Variants in ADAMTSL3 observed in about 807,000 individuals in gnomAD.
The protein encoded by ADAMTSL3 is ADAMTS like 3, also known as ADAMTS-like protein 3.
A neutral mutation model predicts 201.7 loss-of-function variants in ADAMTSL3; 128 were observed. That is an observed-to-expected ratio of 0.63 (90% CI 0.55 to 0.73). The LOEUF (loss-of-function observed/expected upper bound fraction) is 0.73. Among genes scored for constraint, ADAMTSL3 ranks in the 30% least tolerant of loss-of-function variants. ADAMTSL3 has a pLI of 0.00. For synonymous variants in ADAMTSL3, 738 were observed against 748.4 expected (o/e 0.99, Z 0.23); for missense variants, 1,990 against 2,119.6 (o/e 0.94, Z 1.20).
At chr15:83,677,199 C>A (rs924635236) in intron 2 of ADAMTSL3, among the ~76,000 whole-genome samples, 2 of 151,954 alleles carry the variant, frequency 1.3e-5, no homozygotes, top group African/African-American at 4.8e-5. Flanking sequence ...ATAATATGGT[C>A]TGTTTTGGTG....
intron 5 of ADAMTSL3, among the ~76,000 whole-genome samples, chr15:83,816,913 C>A (rs2063780223): frequency 6.6e-6 from 1 of 152,126 alleles, no homozygotes; most frequent in Admixed American, 6.5e-5. Context: ...GGAGGAAAAC[C>A]TGAGCTCTGG....
intron 3 of ADAMTSL3, among the ~76,000 whole-genome samples, chr15:83,728,135 C>G (rs987598902): frequency 2.9e-4 from 44 of 151,430 alleles, no homozygotes; most frequent in Admixed American, 2.2e-3. Context: ...TCTCTTTTTT[C>G]TAGGTTTTGT....
intron 7 of ADAMTSL3, among the ~76,000 whole-genome samples, chr15:83,855,710 C>T (rs894939341): frequency 1.7e-4 from 26 of 152,170 alleles, no homozygotes; most frequent in African/African-American, 6.0e-4. Flanking sequence ...AATTACTGCT[C>T]AGATTGTTGC....
intron 3 of ADAMTSL3, among the ~76,000 whole-genome samples, chr15:83,706,637 CT>C (rs2061855525): frequency 6.6e-6 from 1 of 152,064 alleles, no homozygotes; most frequent in South Asian, 2.1e-4. Context: ...TCTCTTTCCT[CT>C]TTTTTCTTTT....
intron 23 of ADAMTSL3, among the ~76,000 whole-genome samples, chr15:84,006,406 G>T (rs373842666): frequency 6.6e-4 from 101 of 152,304 alleles, no homozygotes; most frequent in African/African-American, 2.4e-3. Flanking sequence ...TAAAGATCCA[G>T]CATTTCAGGG....
At chr15:83,692,535 A>G (rs953603857) in intron 2 of ADAMTSL3, among the ~76,000 whole-genome samples, 2 of 151,732 alleles carry the variant, frequency 1.3e-5, no homozygotes, top group Non-Finnish European at 2.9e-5. Flanking sequence ...AAATACAAAA[A>G]ATTAGCTGGG....
At chr15:83,856,350 AT>A (rs2064732861) in intron 7 of ADAMTSL3, among the ~76,000 whole-genome samples, 1 of 151,442 alleles carries the variant, frequency 6.6e-6, no homozygotes, top group Non-Finnish European at 1.5e-5. Flanking sequence ...AAATTATAAA[AT>A]TTTTTGGTAG....
chr15:83,687,648 A>G (rs887512966), intron 2 of ADAMTSL3, among the ~76,000 whole-genome samples: 12 of 152,098 alleles, frequency 7.9e-5, no homozygotes, highest in Non-Finnish European at 8.8e-5. Context: ...CTCCCCGTTA[A>G]CATACTGATA....
intron 7 of ADAMTSL3, among the ~76,000 whole-genome samples, chr15:83,856,631 G>A (rs753771947): frequency 1.3e-5 from 2 of 152,094 alleles, no homozygotes; most frequent in Non-Finnish European, 2.9e-5. Flanking sequence ...AATATTTTAG[G>A]TTTATTGAGC....
Position 83,982,278 on chromosome 15 carries a change from A to C in ADAMTSL3, c.2650A>C (p.Lys884Gln). The C allele has an allele frequency of 6.4e-7, 1 of 1,565,372 alleles. No homozygotes were observed. Among genetic ancestry groups the C allele is most frequent in the Non-Finnish European group, 8.6e-7 (1 of 1,157,560 alleles). The change falls in exon 21 of 30, where the codon AAA (lysine) becomes CAA (glutamine). Residue 884 changes from lysine (K) to glutamine (Q), a missense_variant. Lys to Gln is a moderately conservative substitution (Grantham distance 53, BLOSUM62 1). Transcript: ENST00000286744. ...TCTTTTTTTTTTTCTTGGAGAAATC[A>C]AATCAGAGATGAAGACAAAACTTGG... ...SCQMPECSKI[K>Q]SEMKTKLGEQ... is the part of the protein sequence containing the mutation.
chr15:83,719,915 C>T (rs1050525285), intron 3 of ADAMTSL3, among the ~76,000 whole-genome samples: 1 of 152,090 alleles, frequency 6.6e-6, no homozygotes, highest in Non-Finnish European at 1.5e-5. Flanking sequence ...ATACCTAGGT[C>T]TTTTTCAAGA....
At chr15:83,930,257 G>T (rs1200888698) in intron 17 of ADAMTSL3, among the ~76,000 whole-genome samples, 1 of 152,132 alleles carries the variant, frequency 6.6e-6, no homozygotes. Context: ...CTTTCAGGTT[G>T]CATTTTTCAC....
chr15:83,714,885 CCTTCCTT>C (rs2061992519), intron 3 of ADAMTSL3, among the ~76,000 whole-genome samples: 1 of 14,794 alleles, frequency 6.8e-5, no homozygotes, highest in Non-Finnish European at 1.0e-4. Flanking sequence ...TCCCTTCCTT[CCTTCCTT>C]CCTTCCTTCC....
chr15:83,823,987 C>CCTCCTT (rs1300229326), intron 6 of ADAMTSL3, among the ~76,000 whole-genome samples: 1 of 144,066 alleles, frequency 6.9e-6, no homozygotes, highest in Non-Finnish European at 1.5e-5. Context: ...TCCTCCTCCT[C>CCTCCTT]CTCCTTCTCC....
intron 2 of ADAMTSL3, among the ~76,000 whole-genome samples, chr15:83,690,171 C>T (rs1596031307): frequency 1.3e-5 from 2 of 152,126 alleles, no homozygotes; most frequent in South Asian, 2.1e-4. Flanking sequence ...AATGTTACAG[C>T]GGCCTCACTA....
chr15:83,694,107 GTTC>G (rs1011545682), intron 2 of ADAMTSL3, among the ~76,000 whole-genome samples: 13 of 152,310 alleles, frequency 8.5e-5, no homozygotes, highest in African/African-American at 2.9e-4. Context: ...CTGAGAGCAT[GTTC>G]TTCTTCAACA....
At chr15:83,837,139 A>G (rs902830237) in intron 6 of ADAMTSL3, among the ~76,000 whole-genome samples, 1 of 152,132 alleles carries the variant, frequency 6.6e-6, no homozygotes, top group African/African-American at 2.4e-5. Flanking sequence ...ATTTTATATG[A>G]GACATCTCTC....
Position 83,970,477 on chromosome 15 carries a change from A to G in ADAMTSL3, c.2491-7A>G. The G allele has an allele frequency of 6.2e-7, 1 of 1,614,064 alleles. No homozygotes were observed. The highest frequency in any genetic ancestry group is 1.1e-5 in the South Asian group (1 of 91,078). On this transcript the variant is annotated splice_polypyrimidine_tract_variant and splice_region_variant and intron_variant, in intron 19 of 29. Transcript: ENST00000286744. ...CATTTGACTCTGTTGCACAACTCTC[A>G]TTTCAGTGTTCTGTCAGTTGTGGTG...
At chr15:83,834,035 C>T (rs1239573963) in intron 6 of ADAMTSL3, among the ~76,000 whole-genome samples, 2 of 152,094 alleles carry the variant, frequency 1.3e-5, no homozygotes, top group African/African-American at 4.8e-5. Flanking sequence ...CTGGGTTTTC[C>T]TGCAGTAACC....
Sources: allele counts gnomAD v4.1 joint callset (sites outside exome capture counted in the v4.1 genomes callset), GRCh38; gene constraint gnomAD v4.1.1; transcripts MANE v1.5; gene names NCBI Gene and HGNC (gene_info 2026-07-23, HGNC 2026-07-21).